The following DNM3 variants were observed in gnomAD, a reference collection of about 807,000 sequenced individuals.
DNM3 encodes the protein dynamin-3.
In DNM3, 47 loss-of-function variants were observed where a neutral mutation model predicts 101.6. The ratio of observed to expected loss-of-function variants is 0.46; its 90% CI spans 0.37 to 0.59. DNM3 has a LOEUF of 0.59. Among genes scored for constraint, DNM3 ranks in the 20% least tolerant of loss-of-function variants. The probability of loss-of-function intolerance (pLI) is 0.00; values close to 1 mark genes in which losing one functional copy is unlikely to be tolerated. For synonymous variants in DNM3, 385 were observed against 387.9 expected (o/e 0.99, Z 0.09); for missense variants, 849 against 1,085.7 (o/e 0.78, Z 3.06).
At chr1:172,195,911 A>G (rs1188498288) in intron 14 of DNM3, among the ~76,000 whole-genome samples, 3 of 150,934 alleles carry the variant, frequency 2.0e-5, no homozygotes, top group Non-Finnish European at 4.4e-5. Flanking sequence ...GTTTTCATTT[A>G]AACTTCTATT....
intron 13 of DNM3, 46 bp from the exon 14 acceptor site, chr1:172,131,129 G>T: frequency 1.3e-6 from 2 of 1,548,022 alleles, no homozygotes; most frequent in Non-Finnish European, 8.9e-7. Context: ...ATCTCCAGTG[G>T]CTTTTGTTAA....
chr1:172,302,957 C>A (rs1011840790), intron 15 of DNM3, among the ~76,000 whole-genome samples: 1 of 152,140 alleles, frequency 6.6e-6, no homozygotes, highest in South Asian at 2.1e-4. Flanking sequence ...ATTCTAAAAA[C>A]CAGAGCACTT....
chr1:171,851,251 C>A (rs1199680946), intron 1 of DNM3, among the ~76,000 whole-genome samples: 1 of 152,174 alleles, frequency 6.6e-6, no homozygotes, highest in Admixed American at 6.5e-5. Flanking sequence ...AAGCCAGGAG[C>A]TGTGTCTCCT....
chr1:172,154,886 C>G (rs919916623), intron 14 of DNM3, among the ~76,000 whole-genome samples: 5 of 152,004 alleles, frequency 3.3e-5, no homozygotes, highest in Admixed American at 2.0e-4. Flanking sequence ...CAAGAAAAGG[C>G]TCTTTTCTGT....
At chr1:172,020,905 T>C (rs2047807922) in intron 4 of DNM3, among the ~76,000 whole-genome samples, 1 of 152,154 alleles carries the variant, frequency 6.6e-6, no homozygotes, top group South Asian at 2.1e-4. Context: ...CTTCAAGCGA[T>C]TCATGGATTA....
intron 14 of DNM3, among the ~76,000 whole-genome samples, chr1:172,230,106 T>A (rs1033531438): frequency 1.3e-5 from 2 of 152,164 alleles, no homozygotes. Context: ...TTTGCCATGT[T>A]GTCATGGTTT....
intron 2 of DNM3, among the ~76,000 whole-genome samples, chr1:171,932,046 A>G (rs568213355): frequency 3.8e-5 from 1 of 26,014 alleles, no homozygotes; most frequent in African/African-American, 1.6e-4. Context: ...CCCTCTCCCC[A>G]TCCCCCACCC....
intron 4 of DNM3, among the ~76,000 whole-genome samples, chr1:172,000,969 T>A (rs1345200306): frequency 6.6e-6 from 1 of 152,014 alleles, no homozygotes; most frequent in Non-Finnish European, 1.5e-5. Flanking sequence ...GAAATTAAAT[T>A]GGTGATGGAG....
intron 2 of DNM3, among the ~76,000 whole-genome samples, chr1:171,977,910 G>A (rs768392054): frequency 1.3e-5 from 2 of 152,122 alleles, no homozygotes; most frequent in Non-Finnish European, 2.9e-5. Context: ...CTAAACTCCA[G>A]ACTCATTTTT....
intron 14 of DNM3, among the ~76,000 whole-genome samples, chr1:172,223,648 A>G (rs1213595925): frequency 6.6e-6 from 1 of 152,152 alleles, no homozygotes; most frequent in Non-Finnish European, 1.5e-5. Context: ...TTCAGTGAAT[A>G]GCACCTCTAT....
chr1:171,987,577 CTTATAATTAAAGAAACTT>C, intron 2 of DNM3, 61 bp from the exon 3 acceptor site: 1 of 1,388,590 alleles, frequency 7.2e-7, no homozygotes, highest in Non-Finnish European at 9.6e-7. Context: ...GATACTTTGA[CTTATAATTAAAGAAACTT>C]TTATAATTAT....
intron 14 of DNM3, among the ~76,000 whole-genome samples, chr1:172,241,764 C>T (rs2061756450): frequency 6.6e-6 from 1 of 152,118 alleles, no homozygotes; most frequent in Non-Finnish European, 1.5e-5. Flanking sequence ...TTCAGGCCAA[C>T]AAAACAGGTG....
At chr1:171,999,830 T>C (rs1346405020) in intron 4 of DNM3, among the ~76,000 whole-genome samples, 2 of 151,732 alleles carry the variant, frequency 1.3e-5, no homozygotes, top group Non-Finnish European at 2.9e-5. Context: ...GAGGCAGAGA[T>C]TGGAGTTATG....
chr1:171,893,081 T>C (rs2037441116), intron 1 of DNM3, among the ~76,000 whole-genome samples: 1 of 149,868 alleles, frequency 6.7e-6, no homozygotes, highest in Admixed American at 6.6e-5. Flanking sequence ...ACTCCACTCA[T>C]TTCCAAAGTT....
At chr1:172,035,708 C>G (rs1489499834) in intron 6 of DNM3, among the ~76,000 whole-genome samples, 1 of 152,114 alleles carries the variant, frequency 6.6e-6, no homozygotes, top group African/African-American at 2.4e-5. Context: ...CTTGTGGTTG[C>G]TGGTTCTGTT....
chr1:172,416,187 A>G (rs572515095), downstream of DNM3, among the ~76,000 whole-genome samples: 25 of 152,344 alleles, frequency 1.6e-4, no homozygotes, highest in African/African-American at 4.6e-4. Flanking sequence ...TCAGTATTCC[A>G]ATTTAGTACT....
In DNM3 at chr1:172,133,266, G is replaced by C. The variant is rs2057038557; in HGVS notation, c.1659+1978G>C. The C allele has an allele frequency of 1.5e-5, 16 of 1,065,780 alleles. No homozygotes were observed. In the South Asian group the frequency reaches 6.9e-4, roughly 46 times the overall value. The allele number at this position is 1,065,780 out of a possible 1,614,324, so 66.0% of individuals were successfully genotyped here. ...AGCTTTGAAGGCTTGGTGAGCTCTTGGTTATTGGCTCATCTCCTCTCCTCC... is the reference window on the plus strand; with the variant it reads ...AGCTTTGAAGGCTTGGTGAGCTCTTCGTTATTGGCTCATCTCCTCTCCTCC... On this transcript the variant is annotated intron_variant, in intron 14 of 20. Coordinates refer to ENST00000627582, the MANE Select transcript of DNM3 (RefSeq NM_015569.5).
At chr1:171,883,691 C>T (rs192379307) in intron 1 of DNM3, among the ~76,000 whole-genome samples, 162 of 152,148 alleles carry the variant, frequency 1.1e-3, no homozygotes, top group African/African-American at 3.8e-3. Flanking sequence ...AGGCTGGTCT[C>T]GAACTCCTCA....
chr1:172,318,806 T>TA (rs1305913649), intron 16 of DNM3, among the ~76,000 whole-genome samples: 1 of 152,136 alleles, frequency 6.6e-6, no homozygotes, highest in African/African-American at 2.4e-5. Flanking sequence ...AAAATGGCCA[T>TA]ACTGCCCAAG....
Sources: gnomAD v4.1 joint callset for allele counts (sites outside exome capture counted in the v4.1 genomes callset) on GRCh38, gnomAD v4.1.1 for gene constraint, MANE v1.5 for transcripts, NCBI Gene and HGNC (gene_info 2026-07-23, HGNC 2026-07-21) for gene names.